The following EYA1 variants were observed in gnomAD, a reference collection of about 807,000 sequenced individuals.
EYA1 encodes EYA transcriptional coactivator and phosphatase 1.
EYA1 carries 16 observed loss-of-function variants against 82.0 expected under a neutral mutation model. That is an observed-to-expected ratio of 0.20 (90% confidence interval 0.13 to 0.30). The LOEUF (loss-of-function observed/expected upper bound fraction) is 0.30, where lower values mean the gene tolerates loss of function less well. EYA1 is among the 10% of genes least tolerant of loss of function. EYA1 has a pLI of 1.00. For missense variants in EYA1, 633 were observed against 730.7 expected (o/e 0.87, Z 1.54); for synonymous variants, 261 against 264.4 (o/e 0.99, Z 0.12).
intron 2 of EYA1, among the ~76,000 whole-genome samples, chr8:71,403,144 T>C (rs1234727527): frequency 6.6e-6 from 1 of 152,210 alleles, no homozygotes; most frequent in Non-Finnish European, 1.5e-5. Flanking sequence ...AAGTCAAAGA[T>C]GACAGACTGA....
chr8:71,288,921 A>G (rs1382141627), intron 9 of EYA1, among the ~76,000 whole-genome samples: 1 of 152,226 alleles, frequency 6.6e-6, no homozygotes, highest in East Asian at 1.9e-4. Flanking sequence ...TTTCTGAAGG[A>G]GTCAGATAAG....
In EYA1 at chr8:71,250,501, G is replaced by A. The variant is rs181804372; in HGVS notation, c.1051-5809C>T. 5.4e-3 allele frequency among the ~76,000 whole-genome samples: 828 copies of A among 152,262 alleles called. 4 individuals are homozygous for A. Among genetic ancestry groups the A allele is most frequent in the South Asian group, 8.9e-3 (43 of 4,816 alleles). On this transcript the variant is annotated intron_variant, in intron 11 of 17. Coordinates refer to ENST00000340726, the MANE Select transcript of EYA1 (RefSeq NM_000503.6). The stretch of plus-strand genomic sequence containing the variant: ...ATGTGTTCTTGTCTCGGCAGGCCAG[G>A]GGTTTAATCCCTGTATCTTCCTCCT...
In EYA1 at chr8:71,373,246, G is replaced by A. The variant is rs11992123; in HGVS notation, c.34-16735C>T. ...TGCTATATGTAGAAAACCCCTTAAA[G>A]GTTCCACAAAAAATGTTAGAACTAA... is the stretch of plus-strand genomic sequence containing the variant. On this transcript the variant is annotated intron_variant, in intron 2 of 18. Coordinates refer to the EYA1 transcript ENST00000643681. Among the ~76,000 whole-genome samples the A allele has an allele frequency of 2.8e-3, 423 of 152,072 alleles. 1 individual carries two copies. The highest frequency in any genetic ancestry group is 9.5e-3 in the African/African-American group (396 of 41,534).
intron 16 of EYA1, among the ~76,000 whole-genome samples, chr8:71,211,771 G>C (rs1203760596): frequency 6.6e-6 from 1 of 152,122 alleles, no homozygotes; most frequent in Non-Finnish European, 1.5e-5. Context: ...GCAAACATCG[G>C]AATTAGCTTA....
intron 2 of EYA1, among the ~76,000 whole-genome samples, chr8:71,490,261 AT>A (rs1048690851): frequency 1.1e-4 from 16 of 152,126 alleles, no homozygotes; most frequent in African/African-American, 3.6e-4. Context: ...GATGGTTGCC[AT>A]TTTTGCCCAC....
At chr8:71,298,508 T>C (rs1819832070) in intron 9 of EYA1, among the ~76,000 whole-genome samples, 1 of 152,160 alleles carries the variant, frequency 6.6e-6, no homozygotes, top group African/African-American at 2.4e-5. Flanking sequence ...GGCTGGCATT[T>C]GAAAGAGACC....
chr8:71,280,121 G>A (rs1817649985), intron 9 of EYA1, among the ~76,000 whole-genome samples: 1 of 152,200 alleles, frequency 6.6e-6, no homozygotes, highest in Admixed American at 6.5e-5. Context: ...TGCTGTCCCA[G>A]GTCTGGGTCC....
At chr8:71,380,750 A>G (rs1051419560) in intron 2 of EYA1, among the ~76,000 whole-genome samples, 9 of 152,224 alleles carry the variant, frequency 5.9e-5, no homozygotes, top group Non-Finnish European at 1.2e-4. Flanking sequence ...TCTTGTTCCT[A>G]TAACCTGCTT....
At chr8:71,358,657 A>C (rs765752729) in intron 1 of EYA1, among the ~76,000 whole-genome samples, 4 of 152,184 alleles carry the variant, frequency 2.6e-5, no homozygotes, top group Non-Finnish European at 5.9e-5. Context: ...TACACTTCAC[A>C]TGCTTTTAGT....
intron 2 of EYA1, among the ~76,000 whole-genome samples, chr8:71,368,843 C>T (rs1656729492): frequency 6.6e-6 from 1 of 151,942 alleles, no homozygotes; most frequent in Admixed American, 6.6e-5. Context: ...CTATTATCAA[C>T]CCACGAATGA....
intron 2 of EYA1, among the ~76,000 whole-genome samples, chr8:71,377,306 A>G (rs1828430892): frequency 6.6e-6 from 1 of 152,148 alleles, no homozygotes; most frequent in South Asian, 2.1e-4. Flanking sequence ...GTGAAGCCAT[A>G]TTGGACATTC....
At chr8:71,378,651 C>A (rs1828516325) in intron 2 of EYA1, among the ~76,000 whole-genome samples, 1 of 152,106 alleles carries the variant, frequency 6.6e-6, no homozygotes, top group Admixed American at 6.5e-5. Context: ...CACCAGAAAA[C>A]TTTATTATTT....
chr8:71,383,386 C>A (rs1359156893), intron 2 of EYA1, among the ~76,000 whole-genome samples: 3 of 152,064 alleles, frequency 2.0e-5, no homozygotes, highest in Non-Finnish European at 4.4e-5. Context: ...ACAAAACTAT[C>A]CACCACAATA....
intron 7 of EYA1, 138 bp downstream of exon 7, chr8:71,317,414 C>G: frequency 1.2e-6 from 1 of 837,290 alleles, no homozygotes; most frequent in Non-Finnish European, 2.0e-6. Context: ...ATGAATCAAA[C>G]TAGAAGCAGG....
intron 12 of EYA1, among the ~76,000 whole-genome samples, chr8:71,237,337 T>C (rs1811968283): frequency 6.6e-6 from 1 of 152,220 alleles, no homozygotes; most frequent in Non-Finnish European, 1.5e-5. Flanking sequence ...TTTTCGTCTG[T>C]AGCTTGATAA....
intron 2 of EYA1, among the ~76,000 whole-genome samples, chr8:71,479,479 C>A (rs144794426): frequency 6.6e-6 from 1 of 152,200 alleles, no homozygotes; most frequent in Admixed American, 6.5e-5. Context: ...GCCCACCCCC[C>A]AGGCTGTAAG....
At chr8:71,340,603 T>C (rs1825009464) in intron 3 of EYA1, among the ~76,000 whole-genome samples, 1 of 152,202 alleles carries the variant, frequency 6.6e-6, no homozygotes, top group Non-Finnish European at 1.5e-5. Context: ...AAGTCTTCTG[T>C]GATCTAGTAC....
intron 1 of EYA1, among the ~76,000 whole-genome samples, chr8:71,544,172 G>C (rs191316442): frequency 3.3e-5 from 5 of 152,276 alleles, no homozygotes; most frequent in Admixed American, 2.6e-4. Context: ...ACTCATATTA[G>C]AGCAAAGCTA....
chr8:71,317,838 CATAAA>C, intron 6 of EYA1, 149 bp from the exon 7 acceptor site: 1 of 752,090 alleles, frequency 1.3e-6, no homozygotes, highest in East Asian at 2.5e-5. Flanking sequence ...AGTGAAATAC[CATAAA>C]GTACAACTTC....
Sources: allele counts gnomAD v4.1 joint callset (sites outside exome capture counted in the v4.1 genomes callset), GRCh38; gene constraint gnomAD v4.1.1; transcripts MANE v1.5; gene names NCBI Gene and HGNC (gene_info 2026-07-23, HGNC 2026-07-21).